Variants in PLCE1 observed in about 807,000 individuals in gnomAD.
The protein encoded by PLCE1 is 1-phosphatidylinositol 4,5-bisphosphate phosphodiesterase epsilon-1.
A neutral mutation model predicts 242.8 loss-of-function variants in PLCE1; 119 were observed. That is an observed-to-expected ratio of 0.49 (90% CI 0.42 to 0.57). PLCE1 has a LOEUF of 0.57. PLCE1 is among the 20% of genes least tolerant of loss of function. PLCE1 has a pLI of 0.00. For missense variants in PLCE1, 2,441 were observed against 2,788.8 expected, an observed-to-expected ratio of 0.88 and a Z score of 2.81; for synonymous variants, 945 against 1,017.4, an observed-to-expected ratio of 0.93 and a Z score of 1.35.
chr10:94,023,680 G>A (rs1019426495), intron 1 of PLCE1, among the ~76,000 whole-genome samples: 2 of 152,084 alleles, frequency 1.3e-5, no homozygotes, highest in Admixed American at 6.6e-5. Context: ...AAACTTTTTT[G>A]TGATCCTCTA....
Position 94,132,354 on chromosome 10 carries a change from T to C in PLCE1, c.1387T>C (p.Ser463Pro), listed in dbSNP as rs1187018122. The C allele has an allele frequency of 1.2e-6, 2 of 1,613,900 alleles. No individual in the cohort carries two copies. Among genetic ancestry groups the C allele is most frequent in the African/African-American group, 2.7e-5 (2 of 74,894 alleles). The change falls in exon 3 of 33, where the codon TCG becomes CCG. Residue 463 changes from serine (S) to proline (P), a missense_variant. Physicochemically the swap from Ser to Pro is moderately conservative, Grantham distance 74. Around this residue, in one of 5 missense-constraint regions of PLCE1, gnomAD observed 733 missense variants for 754.2 expected, o/e 0.97. Transcript: ENST00000371380. ...YRATLQRTSISQYITGSLLEA... is the reference protein window; with the variant it reads ...YRATLQRTSIPQYITGSLLEA... ...CGCCACCCTCCAAAGGACTTCAATA[T>C]CGCAGTACATCACCGGTTCTCTCCT...
At chr10:94,310,598 G>A (rs576677600) in intron 27 of PLCE1, among the ~76,000 whole-genome samples, 60 of 152,258 alleles carry the variant, frequency 3.9e-4, no homozygotes, top group African/African-American at 1.3e-3. Flanking sequence ...GGGCAGGGCC[G>A]CGTGGTACAA....
At chr10:94,160,783 A>G (rs990582310) in intron 3 of PLCE1, among the ~76,000 whole-genome samples, 1 of 152,202 alleles carries the variant, frequency 6.6e-6, no homozygotes, top group Admixed American at 6.5e-5. Context: ...TAATTTTCGT[A>G]TAAGGTGTAA....
chr10:94,043,326 G>C (rs1564643369), intron 2 of PLCE1, among the ~76,000 whole-genome samples: 1 of 152,110 alleles, frequency 6.6e-6, no homozygotes, highest in Non-Finnish European at 1.5e-5. Flanking sequence ...TGCCTTTCAG[G>C]GTGCTGGCAT....
chr10:94,242,335 G>A (rs1414753139), intron 7 of PLCE1, among the ~76,000 whole-genome samples: 1 of 151,752 alleles, frequency 6.6e-6, no homozygotes, highest in Non-Finnish European at 1.5e-5. Context: ...ACAGAGTCTT[G>A]TTCTGTTGCC....
In PLCE1 at chr10:94,329,168, A is replaced by C. The variant is rs1243970146; in HGVS notation, c.*1225A>C. 6.6e-6 allele frequency: 1 copy of C among 152,232 alleles called. No individual in the cohort carries two copies. Among genetic ancestry groups the C allele is most frequent in the Non-Finnish European group, 1.5e-5 (1 of 68,032 alleles). 9.4% of individuals were successfully genotyped at this position (152,232 alleles called of 1,614,324 possible). A position where few individuals can be genotyped will look rare whatever the true frequency, so the allele number is the denominator to read the frequency against. ...AAATTGCTTCATTTCTCATTAACTGAAGAGCTATTGATCCAAGTCATACTT... is the reference window on the plus strand; with the variant it reads ...AAATTGCTTCATTTCTCATTAACTGCAGAGCTATTGATCCAAGTCATACTT... On this transcript the variant is annotated 3_prime_UTR_variant, in exon 33 of 33. Coordinates refer to ENST00000371380, the MANE Select transcript of PLCE1 (RefSeq NM_016341.4).
intron 4 of PLCE1, among the ~76,000 whole-genome samples, chr10:94,217,457 G>A (rs1168698838): frequency 6.6e-6 from 1 of 152,126 alleles, no homozygotes; most frequent in East Asian, 1.9e-4. Flanking sequence ...GAAATAAGTA[G>A]GACCCTATTC....
chr10:94,275,969 AC>A (rs1184704753), intron 19 of PLCE1, among the ~76,000 whole-genome samples: 5 of 152,292 alleles, frequency 3.3e-5, no homozygotes, highest in African/African-American at 1.2e-4. Flanking sequence ...ATGAATTTTA[AC>A]CTTTTGTATA....
At chr10:94,176,536 T>C (rs2048131876) in intron 4 of PLCE1, among the ~76,000 whole-genome samples, 1 of 152,224 alleles carries the variant, frequency 6.6e-6, no homozygotes, top group Non-Finnish European at 1.5e-5. Context: ...ACTTTGATTC[T>C]GCCAAAATTG....
intron 4 of PLCE1, among the ~76,000 whole-genome samples, chr10:94,174,943 G>A (rs2048085822): frequency 6.6e-6 from 1 of 152,154 alleles, no homozygotes; most frequent in African/African-American, 2.4e-5. Context: ...TTTGACAATT[G>A]TGCTATGATT....
At chr10:94,155,862 T>A (rs2047417175) in intron 3 of PLCE1, 1 of 152,024 alleles carries the variant, frequency 6.6e-6, no homozygotes. Flanking sequence ...CATAGCTCAC[T>A]GCAGTCTCAA....
intron 2 of PLCE1, among the ~76,000 whole-genome samples, chr10:94,115,686 G>T (rs1015495695): frequency 1.3e-5 from 2 of 152,142 alleles, no homozygotes; most frequent in Non-Finnish European, 2.9e-5. Flanking sequence ...TGAGTAGATT[G>T]TAAAAATTTT....
chr10:94,013,376 T>C (rs764350817), intron 1 of PLCE1, among the ~76,000 whole-genome samples: 4 of 152,134 alleles, frequency 2.6e-5, no homozygotes, highest in Non-Finnish European at 4.4e-5. Context: ...ACTCAGGGTT[T>C]TGTGAACTGC....
intron 3 of PLCE1, among the ~76,000 whole-genome samples, chr10:94,170,360 TAA>T (rs2047934067): frequency 6.6e-6 from 1 of 152,176 alleles, no homozygotes; most frequent in Admixed American, 6.5e-5. Flanking sequence ...GGTAAGAAGT[TAA>T]GAGGCAGCCT....
At chr10:94,233,580 A>G (rs1249405276) in intron 5 of PLCE1, among the ~76,000 whole-genome samples, 2 of 152,174 alleles carry the variant, frequency 1.3e-5, no homozygotes, top group South Asian at 2.1e-4. Context: ...TTTCAGTTTC[A>G]ATTTACAAAA....
intron 2 of PLCE1, chr10:94,104,087 A>G (rs1485338901): frequency 6.6e-6 from 1 of 152,208 alleles, no homozygotes; most frequent in East Asian, 1.9e-4. Context: ...CAAGAGAGGA[A>G]GTGTTCTTTA....
chr10:94,142,918 G>A (rs1038799815), intron 3 of PLCE1, among the ~76,000 whole-genome samples: 3 of 152,160 alleles, frequency 2.0e-5, no homozygotes, highest in Non-Finnish European at 4.4e-5. Context: ...ACCAATATTT[G>A]TTGAACATCT....
intron 2 of PLCE1, among the ~76,000 whole-genome samples, chr10:94,057,697 G>T (rs1250036207): frequency 1.3e-5 from 2 of 152,126 alleles, no homozygotes; most frequent in Non-Finnish European, 2.9e-5. Flanking sequence ...CATAACAAAT[G>T]ACCTCAAGTG....
chr10:94,149,380 A>G (rs1279253559), intron 3 of PLCE1, among the ~76,000 whole-genome samples: 1 of 152,198 alleles, frequency 6.6e-6, no homozygotes, highest in Non-Finnish European at 1.5e-5. Flanking sequence ...CCATTTCTCA[A>G]TTTCTGAGAG....
Sources: gnomAD v4.1 joint callset for allele counts (sites outside exome capture counted in the v4.1 genomes callset) on GRCh38, gnomAD v4.1.1 for gene constraint, gnomAD v4.1.1 regional missense constraint, MANE v1.5 for transcripts, NCBI Gene and HGNC (gene_info 2026-07-23, HGNC 2026-07-21) for gene names.